DHTKD1: variants seen among roughly 807,000 people sequenced by gnomAD.
The protein encoded by DHTKD1 is dehydrogenase E1 and transketolase domain containing 1.
DHTKD1 carries 78 observed loss-of-function variants against 101.8 expected under a neutral mutation model. That is an observed-to-expected ratio of 0.77 (90% CI 0.64 to 0.93). The LOEUF (loss-of-function observed/expected upper bound fraction) is 0.93. Ranked by LOEUF, DHTKD1 falls within the 40% of genes least tolerant of loss-of-function variation. DHTKD1 has a pLI of 0.00. For synonymous variants in DHTKD1, 462 were observed against 450.3 expected (o/e 1.03, Z -0.33); for missense variants, 1,223 against 1,161.7 (o/e 1.05, Z -0.77).
intron 1 of DHTKD1, among the ~76,000 whole-genome samples, chr10:12,076,216 G>A (rs190451520): frequency 2.0e-5 from 3 of 152,332 alleles, no homozygotes; most frequent in East Asian, 1.9e-4. Flanking sequence ...GGTGGCTCAC[G>A]CCTGTAATCC....
intron 1 of DHTKD1, among the ~76,000 whole-genome samples, chr10:12,076,320 C>CA (rs1289518974): frequency 6.6e-6 from 1 of 152,130 alleles, no homozygotes; most frequent in East Asian, 1.9e-4. Context: ...TACTAAAATA[C>CA]AAAAAATTAG....
At chr10:12,072,372 G>GAAT (rs1832662473) in intron 1 of DHTKD1, among the ~76,000 whole-genome samples, 1 of 152,064 alleles carries the variant, frequency 6.6e-6, no homozygotes, top group Admixed American at 6.6e-5. Flanking sequence ...TGAGTCAGGA[G>GAAT]AATCACTTGA....
rs757610245 is a variant in DHTKD1, at chr10:12,084,676, G to T, written c.447G>T (p.Arg149=). The T allele has an allele frequency of 1.9e-6, 3 of 1,614,056 alleles. No homozygotes were observed. Among genetic ancestry groups the T allele is most frequent in the Non-Finnish European group, 2.5e-6 (3 of 1,180,042 alleles). Reference sequence around the variant, plus strand: ...ATGAGAAAGACTGGTTTGCCAAGCGGTTTGAGGAACTGCAAAAGGAGACGT... The same window carrying T: ...ATGAGAAAGACTGGTTTGCCAAGCGTTTTGAGGAACTGCAAAAGGAGACGT... ...SQDEKDWFAK[R]FEELQKETFT... Residue 149 remains arginine (R), a synonymous_variant, in exon 3 of 17, where the codon CGG becomes CGT. Transcript: ENST00000263035.
At chr10:12,084,805 CT>C in intron 3 of DHTKD1, 54 bp downstream of exon 3, 1 of 1,532,862 alleles carries the variant, frequency 6.5e-7, no homozygotes, top group South Asian at 1.1e-5. Flanking sequence ...AATCCCAGCA[CT>C]TTGGGAGGCC....
intron 7 of DHTKD1, among the ~76,000 whole-genome samples, chr10:12,094,595 C>G (rs1564393142): frequency 6.6e-6 from 1 of 152,248 alleles, no homozygotes; most frequent in Middle Eastern, 3.4e-3. Context: ...CCTCGCCCTC[C>G]CAAAGTGCTG....
At chr10:12,081,355 AT>A in intron 1 of DHTKD1, 116 bp from the exon 2 acceptor site, 1 of 778,436 alleles carries the variant, frequency 1.3e-6, no homozygotes, top group Non-Finnish European at 2.1e-6. Context: ...TCTAAAATAA[AT>A]AAATAAATAA....
At chr10:12,101,306 TA>T (rs34914537) in intron 10 of DHTKD1, 125 bp downstream of exon 10, 44 of 1,042,904 alleles carry the variant, frequency 4.2e-5, no homozygotes, top group Admixed American at 2.3e-4. Flanking sequence ...AAAGGAGTGC[TA>T]AATGGGTGGA....
Position 12,097,814 on chromosome 10 carries a change from C to A in DHTKD1, c.1489C>A (p.His497Asn). The change falls in exon 8 of 17, where the codon CAC (histidine) becomes AAC (asparagine). Residue 497 changes from histidine (H) to asparagine (N), a missense_variant. His to Asn is a moderately conservative substitution (Grantham distance 68, BLOSUM62 1). Coordinates refer to ENST00000263035, the MANE Select transcript of DHTKD1 (RefSeq NM_018706.7). The part of the protein sequence containing the change: ...KLNDHLNNMA[H>N]YRPPALNLQA... ...GAATGATCACTTAAATAACATGGCC[C>A]ACTACAGGCCCCCTGCCCTGAACCT... is the stretch of plus-strand genomic sequence containing the variant. The A allele has an allele frequency of 1.2e-6, 2 of 1,614,186 alleles. No individual in the cohort carries two copies. The highest frequency in any genetic ancestry group is 4.5e-5 in the East Asian group (2 of 44,884).
intron 1 of DHTKD1, among the ~76,000 whole-genome samples, chr10:12,074,411 A>G (rs1165185710): frequency 3.9e-5 from 6 of 152,094 alleles, no homozygotes; most frequent in East Asian, 3.9e-4. Flanking sequence ...GCTGGAGTGC[A>G]GTGGCACGAT....
At position 12,118,703 on chromosome 10, in the gene DHTKD1, T is replaced by G. The variant is rs113253798; in HGVS notation, c.2403-46T>G. ...GGCCTCTTCTGACGTAATTCTTACT[T>G]TAAAAAATTTCTCCCCCACCCTATT... is the stretch of plus-strand genomic sequence containing the variant. On this transcript the variant is annotated intron_variant, in intron 14 of 16. Transcript: ENST00000263035. The G allele has an allele frequency of 1.0e-5, 15 of 1,429,612 alleles. No individual in the cohort carries two copies. The African/African-American group carries it at 1.2e-4, about 11-fold the overall frequency. The allele number at this position is 1,429,612 out of a possible 1,614,324, so 88.6% of individuals were successfully genotyped here.
rs1832927257 is a variant in DHTKD1 at position 12,087,748 on chromosome 10, T to G, written c.717+19T>G. 6.4e-7 allele frequency: 1 copy of G among 1,559,774 alleles called. No individual in the cohort carries two copies. Among genetic ancestry groups the G allele is most frequent in the African/African-American group, 1.4e-5 (1 of 73,236 alleles). On this transcript the variant is annotated intron_variant, in intron 4 of 16. Coordinates refer to ENST00000263035, the MANE Select transcript of DHTKD1 (RefSeq NM_018706.7). This position sits in a 1 kb window ranked among gnomAD's most constrained non-coding sequence, Gnocchi z 5.2. ...TCCAGAGGTAAGGTTACTCGCTGTG[T>G]TTCTCAGTAGCACTATATGATTGAT...
chr10:12,072,604 G>C (rs1832668260), intron 1 of DHTKD1, among the ~76,000 whole-genome samples: 1 of 152,130 alleles, frequency 6.6e-6, no homozygotes, highest in Admixed American at 6.6e-5. Context: ...AGTGTTCTTT[G>C]TAACTAGGTA....
rs779049645 is a variant in DHTKD1 at position 12,089,099 on chromosome 10, T to C, written c.831T>C (p.His277=). 4 of 1,613,968 alleles carry C rather than the reference T, an allele frequency of 2.5e-6. No individual in the cohort carries two copies. In the Admixed American group the frequency reaches 6.7e-5, roughly 27 times the overall value. ...TGGACCTGTACTTTGGGGCGCACCA[T>C]CCCCTCCATGTGACAATGTTGCCCA... is the stretch of plus-strand genomic sequence containing the variant. ...SSVDLYFGAH[H]PLHVTMLPNP... The change falls in exon 5 of 17, where the codon CAT becomes CAC. Residue 277 remains histidine (H), a synonymous_variant. Transcript: ENST00000263035.
At chr10:12,100,853 A>T (rs1379207831) in intron 9 of DHTKD1, among the ~76,000 whole-genome samples, 189 bp from the exon 10 acceptor site, 1 of 152,094 alleles carries the variant, frequency 6.6e-6, no homozygotes, top group East Asian at 1.9e-4. Context: ...GGCACATGAT[A>T]CCTCTCCACT....
intron 1 of DHTKD1, among the ~76,000 whole-genome samples, chr10:12,077,743 A>C (rs1004901383): frequency 1.3e-5 from 2 of 152,026 alleles, no homozygotes; most frequent in African/African-American, 4.8e-5. Context: ...GGTGAGGGCC[A>C]CTGAGTACCT....
intron 7 of DHTKD1, among the ~76,000 whole-genome samples, chr10:12,095,541 C>A (rs944521630): frequency 6.7e-6 from 1 of 149,848 alleles, no homozygotes; most frequent in Non-Finnish European, 1.5e-5. Context: ...TGGCCAGGCG[C>A]GGTGGCTCAC....
chr10:12,073,437 C>T (rs1832679017), intron 1 of DHTKD1, among the ~76,000 whole-genome samples: 2 of 152,042 alleles, frequency 1.3e-5, no homozygotes, highest in Non-Finnish European at 2.9e-5. Flanking sequence ...ACCTCTACCT[C>T]CCGGGTTTAA....
At chr10:12,081,736 T>C (rs923349372) in intron 2 of DHTKD1, 109 bp downstream of exon 2, 16 of 1,277,614 alleles carry the variant, frequency 1.3e-5, no homozygotes, top group Non-Finnish European at 1.5e-5. Flanking sequence ...CTCCCGCAGG[T>C]GTGAGGAGAC....
intron 8 of DHTKD1, 43 bp from the exon 9 acceptor site, chr10:12,100,135 G>T: frequency 1.7e-6 from 2 of 1,153,524 alleles, no homozygotes; most frequent in African/African-American, 1.6e-5. Flanking sequence ...AAAGGAAATG[G>T]ACTCTTAGAC....
Sources: gnomAD v4.1 joint callset for allele counts (sites outside exome capture counted in the v4.1 genomes callset) on GRCh38, gnomAD v4.1.1 for gene constraint, Gnocchi (gnomAD v3.1) non-coding constraint, MANE v1.5 for transcripts, NCBI Gene and HGNC (gene_info 2026-07-23, HGNC 2026-07-21) for gene names.